EPB41L1: variants seen among roughly 807,000 people sequenced by gnomAD.
EPB41L1 encodes band 4.1-like protein 1.
EPB41L1 carries 29 observed loss-of-function variants against 97.8 expected under a neutral mutation model. The observed-to-expected ratio is 0.30, with a 90% CI of 0.22 to 0.40. EPB41L1 has a LOEUF of 0.40. EPB41L1 is among the 10% of genes least tolerant of loss of function. The pLI is 1.00. For synonymous variants in EPB41L1, 383 were observed against 459.2 expected, an observed-to-expected ratio of 0.83 and a Z score of 2.12; for missense variants, 812 against 1,162.3, an observed-to-expected ratio of 0.70 and a Z score of 4.38.
intron 1 of EPB41L1, chr20:36,155,145 C>G (rs915335055): frequency 1.1e-5 from 5 of 461,382 alleles, no homozygotes; most frequent in Non-Finnish European, 2.2e-5. Context: ...GTAGGATGAG[C>G]GGTGGGTGGG....
intron 1 of EPB41L1, among the ~76,000 whole-genome samples, chr20:36,169,797 T>A (rs2060906171): frequency 6.6e-6 from 1 of 152,210 alleles, no homozygotes; most frequent in East Asian, 1.9e-4. Flanking sequence ...ATAGTCCAGA[T>A]CACCAGGTCC....
chr20:36,179,637 C>T (rs181260284), intron 5 of EPB41L1, among the ~76,000 whole-genome samples: 4 of 152,328 alleles, frequency 2.6e-5, no homozygotes, highest in Admixed American at 2.0e-4. Flanking sequence ...CCTGGCGCCT[C>T]GAGGCAGAGA....
intron 2 of EPB41L1, among the ~76,000 whole-genome samples, chr20:36,133,716 G>A (rs991525610): frequency 4.6e-5 from 7 of 152,034 alleles, no homozygotes; most frequent in Non-Finnish European, 5.9e-5. Flanking sequence ...TTACCTGGGC[G>A]TGGTGGCATG....
At chr20:36,155,198 A>G (rs921835467) in intron 1 of EPB41L1, 3 of 455,594 alleles carry the variant, frequency 6.6e-6, no homozygotes, top group Non-Finnish European at 1.3e-5. Context: ...TTCGGAGAGC[A>G]CTCCTGCTGC....
chr20:36,124,385 G>A (rs558892617), intron 2 of EPB41L1, among the ~76,000 whole-genome samples: 5 of 152,160 alleles, frequency 3.3e-5, no homozygotes, highest in Non-Finnish European at 7.4e-5. Context: ...TGAGTGAGCC[G>A]GTTCCTGCCT....
intron 3 of EPB41L1, among the ~76,000 whole-genome samples, chr20:36,177,535 T>C (rs2061299257): frequency 6.6e-6 from 1 of 152,198 alleles, no homozygotes; most frequent in African/African-American, 2.4e-5. Context: ...CTTCTCCCCC[T>C]GCCCGCTTCT....
chr20:36,171,939 C>T (rs2061007267), intron 1 of EPB41L1, among the ~76,000 whole-genome samples: 1 of 152,080 alleles, frequency 6.6e-6, no homozygotes, highest in African/African-American at 2.4e-5. Flanking sequence ...TCTCTATTTC[C>T]CTGGTTTTAG....
At position 36,207,776 on chromosome 20, in the gene EPB41L1, C is replaced by G; in HGVS notation, c.1669-1712C>G. On this transcript the variant is annotated intron_variant, in intron 14 of 21. Coordinates refer to ENST00000338074, the MANE Select transcript of EPB41L1 (RefSeq NM_012156.2). The surrounding 1 kb of genome is among the most constrained non-coding windows in gnomAD (Gnocchi z 4.9). ...ACCACGCTGGCAGAAGCTACTGGAACTGGGGTAACTGGCCGCGTGAGCCCC... is the reference window on the plus strand; with the variant it reads ...ACCACGCTGGCAGAAGCTACTGGAAGTGGGGTAACTGGCCGCGTGAGCCCC... The G allele has an allele frequency of 7.8e-7, 1 of 1,287,796 alleles. No homozygotes were observed. Among genetic ancestry groups the G allele is most frequent in the South Asian group, 1.2e-5 (1 of 80,874 alleles). The allele number at this position is 1,287,796 out of a possible 1,614,324, so 79.8% of individuals were successfully genotyped here. A position where few individuals can be genotyped will look rare whatever the true frequency, so the allele number is the denominator to read the frequency against.
chr20:36,172,239 C>T (rs1252139443), intron 1 of EPB41L1, among the ~76,000 whole-genome samples: 1 of 152,022 alleles, frequency 6.6e-6, no homozygotes, highest in Non-Finnish European at 1.5e-5. Context: ...TCACCACATC[C>T]AGCTAATTTT....
intron 5 of EPB41L1, among the ~76,000 whole-genome samples, chr20:36,181,630 A>T (rs553075832): frequency 1.3e-5 from 2 of 152,236 alleles, no homozygotes; most frequent in East Asian, 3.8e-4. Flanking sequence ...TCTGAGAAAC[A>T]TTAATCTTTC....
intron 20 of EPB41L1, 42 bp from the exon 21 acceptor site, chr20:36,222,236 G>T: frequency 6.5e-7 from 1 of 1,527,598 alleles, no homozygotes; most frequent in Non-Finnish European, 9.1e-7. Flanking sequence ...CTCTCGTCTT[G>T]GATAGTTCAT....
chr20:36,099,360 T>C (rs1260117947), intron 1 of EPB41L1, among the ~76,000 whole-genome samples: 1 of 152,166 alleles, frequency 6.6e-6, no homozygotes, highest in Non-Finnish European at 1.5e-5. Context: ...CACCTAATCT[T>C]GCTTTACTTT....
chr20:36,179,523 T>C (rs900049116), intron 5 of EPB41L1, among the ~76,000 whole-genome samples: 13 of 152,334 alleles, frequency 8.5e-5, no homozygotes, highest in African/African-American at 3.1e-4. Context: ...ACCTGTCCTT[T>C]CTGGCCCAGA....
intron 1 of EPB41L1, among the ~76,000 whole-genome samples, chr20:36,107,517 CTT>C (rs35325837): frequency 1.7e-4 from 23 of 132,278 alleles, no homozygotes; most frequent in Non-Finnish European, 1.6e-4. Flanking sequence ...CCGTGCCCGG[CTT>C]TTTTTTTTTT....
intron 1 of EPB41L1, among the ~76,000 whole-genome samples, chr20:36,164,553 C>T (rs1026138696): frequency 2.1e-4 from 32 of 152,298 alleles, no homozygotes; most frequent in Admixed American, 1.7e-3. Context: ...ATACATGTGG[C>T]TGTGTGTGTT....
At chr20:36,173,688 G>T (rs986408682) in intron 1 of EPB41L1, 76 bp from the exon 2 acceptor site, 1 of 1,329,306 alleles carries the variant, frequency 7.5e-7, no homozygotes, top group Non-Finnish European at 1.1e-6. Context: ...CTCTCTCCGC[G>T]TGTGGTTCCT....
At position 36,228,110 on chromosome 20, in the gene EPB41L1, G is replaced by A. The variant is rs375677135; in HGVS notation, c.2638-1222G>A. 2.1e-3 allele frequency among the ~76,000 whole-genome samples: 326 copies of A among 152,280 alleles called. 2 individuals carry two copies. Among genetic ancestry groups the A allele is most frequent in the African/African-American group, 7.3e-3 (304 of 41,560 alleles). On this transcript the variant is annotated intron_variant, in intron 21 of 21. Transcript: ENST00000338074. ...AGAAAGATCCATTTTCTGTGATTCC[G>A]TTAGCACTCGACTGCATGCAAGTAG... is the stretch of plus-strand genomic sequence containing the variant.
intron 21 of EPB41L1, among the ~76,000 whole-genome samples, chr20:36,223,424 G>A (rs935559256): frequency 2.6e-5 from 4 of 152,204 alleles, no homozygotes; most frequent in African/African-American, 4.8e-5. Context: ...CAATGCTTTG[G>A]TGAATAAGAG....
intron 2 of EPB41L1, among the ~76,000 whole-genome samples, chr20:36,127,947 T>C (rs2059036925): frequency 6.6e-6 from 1 of 152,190 alleles, no homozygotes; most frequent in South Asian, 2.1e-4. Flanking sequence ...GCAACCCCTC[T>C]TGTCCTCATC....
Sources: allele counts gnomAD v4.1 joint callset (sites outside exome capture counted in the v4.1 genomes callset), GRCh38; gene constraint gnomAD v4.1.1; non-coding constraint Gnocchi (gnomAD v3.1); transcripts MANE v1.5; gene names NCBI Gene and HGNC (gene_info 2026-07-23, HGNC 2026-07-21).